GRIN2B: variants seen among roughly 807,000 people sequenced by gnomAD.
GRIN2B encodes glutamate receptor ionotropic, NMDA 2B.
Under a neutral mutation model 114.5 loss-of-function variants are expected in GRIN2B, and 5 were observed. The ratio of observed to expected loss-of-function variants is 0.04; its 90% CI spans 0.02 to 0.09. GRIN2B has a LOEUF of 0.09. Among genes scored for constraint, GRIN2B ranks in the 10% least tolerant of loss-of-function variants. The pLI, the probability that GRIN2B is intolerant of heterozygous loss-of-function variation, is 1.00. For missense variants in GRIN2B, 1,108 were observed against 1,943.5 expected, an observed-to-expected ratio of 0.57 and a Z score of 8.08; for synonymous variants, 787 against 745.1, an observed-to-expected ratio of 1.06 and a Z score of -0.92.
intron 2 of GRIN2B, among the ~76,000 whole-genome samples, chr12:13,892,507 G>A (rs1247996658): frequency 6.6e-6 from 1 of 152,186 alleles, no homozygotes; most frequent in Non-Finnish European, 1.5e-5. Context: ...CAGGGGGCCA[G>A]TGAGCACCCA....
intron 5 of GRIN2B, among the ~76,000 whole-genome samples, chr12:13,640,403 C>T (rs1949704334): frequency 6.6e-6 from 1 of 152,104 alleles, no homozygotes; most frequent in Admixed American, 6.6e-5. Context: ...TTCCATACTG[C>T]CCCTTGCCCT....
intron 2 of GRIN2B, among the ~76,000 whole-genome samples, chr12:13,880,030 G>A (rs1021468890): frequency 6.6e-6 from 1 of 152,184 alleles, no homozygotes; most frequent in Admixed American, 6.5e-5. Flanking sequence ...GTGATAAGGA[G>A]TCAGAATTCA....
At chr12:13,951,795 C>T (rs756563049) in intron 2 of GRIN2B, among the ~76,000 whole-genome samples, 1 of 152,110 alleles carries the variant, frequency 6.6e-6, no homozygotes, top group Non-Finnish European at 1.5e-5. Flanking sequence ...GCCCTAATAG[C>T]AAATGGCCAC....
chr12:13,979,258 T>C (rs1481779644), intron 2 of GRIN2B, among the ~76,000 whole-genome samples: 1 of 152,096 alleles, frequency 6.6e-6, no homozygotes, highest in African/African-American at 2.4e-5. Flanking sequence ...GCTTAAGATT[T>C]AAGTCGTTTA....
chr12:13,648,357 A>G (rs1949782656), intron 5 of GRIN2B, among the ~76,000 whole-genome samples: 2 of 151,994 alleles, frequency 1.3e-5, no homozygotes, highest in African/African-American at 2.4e-5. Context: ...ATAGAGAAGT[A>G]TAAACATTAA....
At position 13,978,711 on chromosome 12, in the gene GRIN2B, C is replaced by T. The variant is rs145963613; in HGVS notation, c.-19+1217G>A. Among the ~76,000 whole-genome samples the T allele has an allele frequency of 2.1e-3, 321 of 152,280 alleles. 2 individuals carry two copies. The highest frequency in any genetic ancestry group is 7.2e-3 in the African/African-American group (299 of 41,552). On this transcript the variant is annotated intron_variant, in intron 2 of 13. Coordinates refer to ENST00000609686, the MANE Select transcript of GRIN2B (RefSeq NM_000834.5). The stretch of plus-strand genomic sequence containing the variant: ...TCCCAACCTGATCCCTGCATTTAGA[C>T]GCCTTCAGAGTTCAGGGACATATGG...
rs755495664 is a variant in GRIN2B at position 13,564,675 on chromosome 12, G to C, written c.2599-36C>G. 1 of 1,591,590 alleles carries C rather than the reference G, an allele frequency of 6.3e-7. No individual in the cohort carries two copies. Among genetic ancestry groups the C allele is most frequent in the Non-Finnish European group, 8.6e-7 (1 of 1,161,740 alleles). ...AATGGAGGGACAGGTTAGATCTCCAGAGAGGCTAGAAATGACCACAAAAAA... is the reference window on the plus strand; with the variant it reads ...AATGGAGGGACAGGTTAGATCTCCACAGAGGCTAGAAATGACCACAAAAAA... On this transcript the variant is annotated intron_variant, in intron 13 of 13. Transcript: ENST00000609686. This position sits in a 1 kb window ranked among gnomAD's most constrained non-coding sequence, Gnocchi z 4.8.
intron 3 of GRIN2B, among the ~76,000 whole-genome samples, chr12:13,840,614 T>G (rs1865361147): frequency 6.6e-6 from 1 of 152,180 alleles, no homozygotes; most frequent in African/African-American, 2.4e-5. Flanking sequence ...TGCAATTAAA[T>G]AATATAGCCA....
chr12:13,683,288 G>T (rs1471587641), intron 4 of GRIN2B, among the ~76,000 whole-genome samples: 3 of 152,116 alleles, frequency 2.0e-5, no homozygotes, highest in African/African-American at 7.2e-5. Flanking sequence ...AAGAGGGAAA[G>T]AATACAGTGT....
At chr12:13,934,073 T>C (rs1250556621) in intron 2 of GRIN2B, among the ~76,000 whole-genome samples, 1 of 152,240 alleles carries the variant, frequency 6.6e-6, no homozygotes. Flanking sequence ...TGCTGTTTTC[T>C]GTAGCATTTA....
At chr12:13,879,865 A>G (rs542456547) in intron 2 of GRIN2B, among the ~76,000 whole-genome samples, 2 of 152,376 alleles carry the variant, frequency 1.3e-5, no homozygotes, top group Admixed American at 6.5e-5. Flanking sequence ...AGGGAGTACA[A>G]TCAGGATGTC....
At chr12:13,928,258 G>A (rs1411926638) in intron 2 of GRIN2B, among the ~76,000 whole-genome samples, 1 of 148,114 alleles carries the variant, frequency 6.8e-6, no homozygotes, top group Non-Finnish European at 1.5e-5. Flanking sequence ...AGCTGAGATT[G>A]CGCCATTACA....
chr12:13,744,584 G>T (rs984883407), intron 4 of GRIN2B, among the ~76,000 whole-genome samples: 6 of 152,102 alleles, frequency 3.9e-5, no homozygotes, highest in Admixed American at 3.3e-4. Context: ...AAAGAATAAA[G>T]AAAGAAAGAG....
intron 2 of GRIN2B, among the ~76,000 whole-genome samples, chr12:13,971,812 T>C (rs780414365): frequency 3.9e-5 from 6 of 152,176 alleles, no homozygotes; most frequent in Non-Finnish European, 8.8e-5. Flanking sequence ...CAGGAAAGCA[T>C]TCTCCCTAAG....
intron 10 of GRIN2B, among the ~76,000 whole-genome samples, chr12:13,597,017 A>G (rs1437715460): frequency 1.3e-5 from 2 of 152,248 alleles, no homozygotes; most frequent in Non-Finnish European, 2.9e-5. Flanking sequence ...TCACAGGGGC[A>G]GATGCAGGCT....
chr12:13,836,371 G>A (rs1036367030), intron 3 of GRIN2B, among the ~76,000 whole-genome samples: 1 of 152,106 alleles, frequency 6.6e-6, no homozygotes, highest in East Asian at 1.9e-4. Context: ...TAAGGGGGAA[G>A]AAAAAACATT....
intron 4 of GRIN2B, among the ~76,000 whole-genome samples, chr12:13,684,615 C>T (rs1376180902): frequency 6.6e-6 from 1 of 152,176 alleles, no homozygotes; most frequent in Admixed American, 6.5e-5. Flanking sequence ...AGCTTTTCTG[C>T]ATAATGTTAC....
rs182843702 is a variant in GRIN2B at position 13,730,060 on chromosome 12, A to G, written c.1010+23257T>C. On this transcript the variant is annotated intron_variant, in intron 4 of 13. Transcript: ENST00000609686. ...AAACACTTCAGACTGAGAGACTCAGATAATTTCCTTCCTCCTATCGTGAAG... is the reference window on the plus strand; with the variant it reads ...AAACACTTCAGACTGAGAGACTCAGGTAATTTCCTTCCTCCTATCGTGAAG... Among the ~76,000 whole-genome samples, 175 of 151,264 alleles carry G rather than the reference A, an allele frequency of 1.2e-3. No homozygotes were observed. The East Asian group carries it at 0.031, about 27-fold the overall frequency.
At chr12:13,951,125 C>G (rs1372841677) in intron 2 of GRIN2B, among the ~76,000 whole-genome samples, 1 of 152,084 alleles carries the variant, frequency 6.6e-6, no homozygotes, top group Non-Finnish European at 1.5e-5. Context: ...TGATAAATAT[C>G]AAATACTTTT....
Sources: gnomAD v4.1 joint callset for allele counts (sites outside exome capture counted in the v4.1 genomes callset) on GRCh38, gnomAD v4.1.1 for gene constraint, Gnocchi (gnomAD v3.1) non-coding constraint, MANE v1.5 for transcripts, NCBI Gene and HGNC (gene_info 2026-07-23, HGNC 2026-07-21) for gene names.